Variants in TRAPPC9 observed in about 807,000 individuals in gnomAD.
The protein encoded by TRAPPC9 is trafficking protein particle complex subunit 9.
In TRAPPC9, 83 loss-of-function variants were observed where a neutral mutation model predicts 124.0. That is an observed-to-expected ratio of 0.67 (90% CI 0.56 to 0.80). The LOEUF (loss-of-function observed/expected upper bound fraction) is 0.80. TRAPPC9 is among the 30% of genes least tolerant of loss of function. The pLI, the probability that TRAPPC9 is intolerant of heterozygous loss-of-function variation, is 0.00. For synonymous variants in TRAPPC9, 638 were observed against 617.5 expected (o/e 1.03, Z -0.49); for missense variants, 1,302 against 1,508.3 (o/e 0.86, Z 2.27).
At chr8:140,419,710 C>T (rs1481321762) in intron 5 of TRAPPC9, among the ~76,000 whole-genome samples, 1 of 151,496 alleles carries the variant, frequency 6.6e-6, no homozygotes, top group Non-Finnish European at 1.5e-5. Context: ...ACGGTGAAAC[C>T]CCGTCTCTAC....
chr8:139,883,313 GT>G (rs34045201), intron 21 of TRAPPC9, among the ~76,000 whole-genome samples: 2,830 of 152,310 alleles, frequency 0.019, 119 homozygotes, highest in African/African-American at 0.065. Flanking sequence ...CTCTACAACT[GT>G]TAAGAAATAC....
At chr8:140,301,281 G>A (rs182452570) in intron 10 of TRAPPC9, among the ~76,000 whole-genome samples, 17 of 152,316 alleles carry the variant, frequency 1.1e-4, no homozygotes, top group South Asian at 6.2e-4. Flanking sequence ...ACTCATGCTC[G>A]AATTCATCCA....
intron 17 of TRAPPC9, among the ~76,000 whole-genome samples, chr8:140,125,680 C>T (rs1262755372): frequency 6.7e-6 from 1 of 149,232 alleles, no homozygotes; most frequent in African/African-American, 2.5e-5. Flanking sequence ...CCACAAGCTC[C>T]ACCTCCCGGG....
chr8:140,170,985 A>C (rs999798083), intron 17 of TRAPPC9, among the ~76,000 whole-genome samples: 1 of 152,212 alleles, frequency 6.6e-6, no homozygotes, highest in Non-Finnish European at 1.5e-5. Flanking sequence ...CACCTGGAAA[A>C]CACCAGCCTG....
At chr8:139,767,866 G>A (rs1461468924) in intron 21 of TRAPPC9, among the ~76,000 whole-genome samples, 1 of 152,246 alleles carries the variant, frequency 6.6e-6, no homozygotes, top group Admixed American at 6.5e-5. Flanking sequence ...CAAGAGTCAA[G>A]GGAAATGGAT....
In TRAPPC9 at chr8:140,054,757, C is replaced by T. The variant is rs558342969; in HGVS notation, c.2557-30678G>A. 2.6e-5 allele frequency among the ~76,000 whole-genome samples: 4 copies of T among 152,040 alleles called. No homozygotes were observed. In the East Asian group the frequency reaches 7.7e-4, roughly 29 times the overall value. On this transcript the variant is annotated intron_variant, in intron 17 of 22. Coordinates refer to ENST00000438773, the MANE Select transcript of TRAPPC9 (RefSeq NM_001160372.4). ...AATCTGAAAAATCATTAGAAGATGACTATGAACCATTACACAACAACAAAT... is the reference window on the plus strand; with the variant it reads ...AATCTGAAAAATCATTAGAAGATGATTATGAACCATTACACAACAACAAAT...
chr8:140,304,461 T>C (rs1241073070), intron 10 of TRAPPC9, among the ~76,000 whole-genome samples: 1 of 151,970 alleles, frequency 6.6e-6, no homozygotes, highest in African/African-American at 2.4e-5. Context: ...AAGTGTTTGG[T>C]TGATATATGA....
At chr8:139,865,252 G>C (rs543157472) in intron 21 of TRAPPC9, among the ~76,000 whole-genome samples, 1 of 152,308 alleles carries the variant, frequency 6.6e-6, no homozygotes, top group East Asian at 1.9e-4. Flanking sequence ...GAAGGAATCA[G>C]GTCCCATGTC....
intron 17 of TRAPPC9, among the ~76,000 whole-genome samples, chr8:140,212,320 C>A (rs146052310): frequency 9.2e-4 from 140 of 152,314 alleles, no homozygotes; most frequent in African/African-American, 3.2e-3. Context: ...GGGTTTTTAT[C>A]AAACGCTTTT....
At chr8:140,450,066 T>A (rs1210202297) in intron 2 of TRAPPC9, among the ~76,000 whole-genome samples, 1 of 152,208 alleles carries the variant, frequency 6.6e-6, no homozygotes, top group African/African-American at 2.4e-5. Context: ...TAAAACATAT[T>A]AGCAAGAAAG....
chr8:139,791,536 G>A (rs542589575), intron 21 of TRAPPC9, among the ~76,000 whole-genome samples: 14 of 129,566 alleles, frequency 1.1e-4, no homozygotes, highest in Non-Finnish European at 2.1e-4. Flanking sequence ...ACAGGCACTC[G>A]TCTCTCCTGC....
intron 16 of TRAPPC9, among the ~76,000 whole-genome samples, chr8:140,250,327 C>T (rs1298276135): frequency 6.6e-6 from 1 of 152,160 alleles, no homozygotes; most frequent in East Asian, 1.9e-4. Context: ...AATCCAGGAT[C>T]CCGGTTTGTG....
chr8:139,826,419 G>C (rs1825642319), intron 21 of TRAPPC9, among the ~76,000 whole-genome samples: 1 of 152,224 alleles, frequency 6.6e-6, no homozygotes, highest in Admixed American at 6.5e-5. Context: ...GCCTGGGCAA[G>C]CCATGCTCAG....
chr8:139,997,793 G>A (rs1235672201), intron 18 of TRAPPC9, among the ~76,000 whole-genome samples: 13 of 140,098 alleles, frequency 9.3e-5, no homozygotes, highest in African/African-American at 3.2e-4. Flanking sequence ...CCTACACAGG[G>A]AGACAATGCA....
chr8:139,820,145 C>A (rs1242903291), intron 21 of TRAPPC9, among the ~76,000 whole-genome samples: 1 of 151,720 alleles, frequency 6.6e-6, no homozygotes, highest in Non-Finnish European at 1.5e-5. Context: ...AAAGAAAACT[C>A]TTAAAATGGA....
chr8:140,453,973 G>A (rs941259972), intron 1 of TRAPPC9, among the ~76,000 whole-genome samples: 2 of 152,192 alleles, frequency 1.3e-5, no homozygotes, highest in African/African-American at 4.8e-5. Flanking sequence ...CCCACCGCAG[G>A]TAACAAAGGG....
At position 139,887,788 on chromosome 8, in the gene TRAPPC9, T is replaced by C. The variant is rs139616658; in HGVS notation, c.2965-1819A>G. On this transcript the variant is annotated intron_variant, in intron 20 of 22. Coordinates refer to ENST00000438773, the MANE Select transcript of TRAPPC9 (RefSeq NM_001160372.4). ...CTTCAGCCCTAGCCTGTGAGCTCCA[T>C]GAAGGCAGAGACCTGGTCTTAGGGC... 3.8e-3 allele frequency among the ~76,000 whole-genome samples: 572 copies of C among 152,366 alleles called. 5 individuals are homozygous for C. Among genetic ancestry groups the C allele is most frequent in the African/African-American group, 9.6e-3 (401 of 41,588 alleles).
chr8:140,073,957 C>T (rs985729026), intron 17 of TRAPPC9, among the ~76,000 whole-genome samples: 2 of 152,172 alleles, frequency 1.3e-5, no homozygotes, highest in Non-Finnish European at 2.9e-5. Context: ...ATTAAATCCT[C>T]CCAGCAATCC....
intron 19 of TRAPPC9, among the ~76,000 whole-genome samples, chr8:139,915,350 G>A (rs746990893): frequency 2.6e-5 from 4 of 152,138 alleles, no homozygotes; most frequent in Non-Finnish European, 5.9e-5. Flanking sequence ...GGGTTCAAGC[G>A]ATTCTCGTGC....
Sources: gnomAD v4.1 joint callset for allele counts (sites outside exome capture counted in the v4.1 genomes callset) on GRCh38, gnomAD v4.1.1 for gene constraint, MANE v1.5 for transcripts, NCBI Gene and HGNC (gene_info 2026-07-23, HGNC 2026-07-21) for gene names.